MEF2A: variants seen among roughly 807,000 people sequenced by gnomAD.
MEF2A encodes the protein myocyte enhancer factor 2A.
MEF2A carries 28 observed loss-of-function variants against 55.8 expected under a neutral mutation model. That is an observed-to-expected ratio of 0.50 (90% CI 0.37 to 0.69). The LOEUF is 0.69. MEF2A is among the 30% of genes least tolerant of loss of function. MEF2A has a pLI of 0.00. For synonymous variants in MEF2A, 239 were observed against 227.1 expected, an observed-to-expected ratio of 1.05 and a Z score of -0.47; for missense variants, 528 against 626.2, an observed-to-expected ratio of 0.84 and a Z score of 1.67.
chr15:99,713,296 G>A lies in MEF2A; in HGVS notation c.*525G>A, dbSNP rs2058851465. ...ACCTGGCATGGGTGTCTGTTGCAAA[G>A]GGGTGCATGGGAAAGGGCTGTTGAT... On this transcript the variant is annotated 3_prime_UTR_variant, in exon 12 of 12. Transcript: ENST00000557942. 1 of 329,496 alleles carries A rather than the reference G, an allele frequency of 3.0e-6. No individual in the cohort carries two copies. The allele number at this position is 329,496 out of a possible 1,614,324, so 20.4% of individuals were successfully genotyped here.
intron 1 of MEF2A, among the ~76,000 whole-genome samples, 170 bp downstream of exon 1, chr15:99,566,274 T>C (rs1959258053): frequency 8.1e-6 from 1 of 122,932 alleles, no homozygotes; most frequent in Non-Finnish European, 1.7e-5. Context: ...CGAGGCCGTG[T>C]CCGGCTTGGA....
intron 3 of MEF2A, among the ~76,000 whole-genome samples, chr15:99,638,816 A>G (rs572097950): frequency 6.6e-6 from 1 of 152,260 alleles, no homozygotes; most frequent in African/African-American, 2.4e-5. Flanking sequence ...TATACGATGC[A>G]GTCTTTTGAC....
At chr15:99,637,665 C>T (rs961026709) in intron 3 of MEF2A, among the ~76,000 whole-genome samples, 88 of 151,588 alleles carry the variant, frequency 5.8e-4, no homozygotes, top group African/African-American at 1.8e-3. Context: ...CTGTGTAAGA[C>T]GGAGTCTCGC....
chr15:99,593,278 C>T (rs1969986250), intron 1 of MEF2A, among the ~76,000 whole-genome samples: 1 of 152,186 alleles, frequency 6.6e-6, no homozygotes, highest in African/African-American at 2.4e-5. Flanking sequence ...CTTCCCTTTT[C>T]TGCACTGTCG....
intron 1 of MEF2A, among the ~76,000 whole-genome samples, chr15:99,591,136 G>A (rs931194266): frequency 6.6e-6 from 1 of 152,102 alleles, no homozygotes; most frequent in East Asian, 1.9e-4. Flanking sequence ...TCACATTAGG[G>A]CTCACTCTGT....
At chr15:99,707,542 G>C (rs72760565) in intron 10 of MEF2A, among the ~76,000 whole-genome samples, 51 of 152,276 alleles carry the variant, frequency 3.3e-4, no homozygotes, top group Non-Finnish European at 6.3e-4. Context: ...GATCGTAGGA[G>C]TGCTTTTAGC....
rs527645378 is a variant in MEF2A at position 99,593,447 on chromosome 15, C to G, written c.-224-4983C>G. Among the ~76,000 whole-genome samples the G allele has an allele frequency of 3.3e-5, 5 of 152,260 alleles. No homozygotes were observed. In the East Asian group the frequency reaches 9.6e-4, roughly 29 times the overall value. On this transcript the variant is annotated intron_variant, in intron 1 of 11. Transcript: ENST00000557942. ...GGGAGAGCATGTCCGATACCAGTTA[C>G]TACATCATGCCTGGTAGCAAATATC...
chr15:99,711,104 C>T (rs777647905), intron 11 of MEF2A, among the ~76,000 whole-genome samples: 1 of 152,166 alleles, frequency 6.6e-6, no homozygotes, highest in African/African-American at 2.4e-5. Context: ...ATGAAGCTGC[C>T]TACTGCACCC....
At position 99,613,701 on chromosome 15, in the gene MEF2A, C is replaced by G. The variant is rs188208157; in HGVS notation, c.-143+15190C>G. On this transcript the variant is annotated intron_variant, in intron 2 of 11. Transcript: ENST00000557942. Reference sequence around the variant, plus strand: ...AGCAGGAGGGATTGGGAAATGGAGACCTTTGAGGAGGTCAGAACTCTTAAA... The same window carrying G: ...AGCAGGAGGGATTGGGAAATGGAGAGCTTTGAGGAGGTCAGAACTCTTAAA... Among the ~76,000 whole-genome samples, 133 of 152,204 alleles carry G rather than the reference C, an allele frequency of 8.7e-4. 2 individuals are homozygous for G. Among genetic ancestry groups the G allele is most frequent in the Non-Finnish European group, 1.3e-3 (86 of 68,000 alleles).
At chr15:99,663,925 T>C (rs1278487226) in intron 4 of MEF2A, among the ~76,000 whole-genome samples, 1 of 152,216 alleles carries the variant, frequency 6.6e-6, no homozygotes, top group Non-Finnish European at 1.5e-5. Context: ...GTCAGCCAAG[T>C]GGTAACATAT....
intron 7 of MEF2A, among the ~76,000 whole-genome samples, chr15:99,688,618 G>A (rs531442921): frequency 4.6e-5 from 7 of 152,236 alleles, no homozygotes; most frequent in South Asian, 4.1e-4. Context: ...TTAGCCGGGC[G>A]TGGTGGCGGG....
intron 1 of MEF2A, among the ~76,000 whole-genome samples, chr15:99,573,228 G>C (rs1963080635): frequency 6.7e-6 from 1 of 148,714 alleles, no homozygotes; most frequent in Non-Finnish European, 1.5e-5. Context: ...GGCGGAGCCT[G>C]CAGTGAGCCA....
rs187475020 is a variant in MEF2A, at chr15:99,680,779, T to C, written c.670+5321T>C. On this transcript the variant is annotated intron_variant, in intron 7 of 11. Transcript: ENST00000557942. ...TCCAAAGAGATTATAATACTTAAGATGGTGGGACTGTGTTTTTCACTCTTT... is the reference window on the plus strand; with the variant it reads ...TCCAAAGAGATTATAATACTTAAGACGGTGGGACTGTGTTTTTCACTCTTT... Among the ~76,000 whole-genome samples the C allele has an allele frequency of 2.6e-5, 4 of 152,322 alleles. No homozygotes were observed. In the East Asian group the frequency reaches 7.7e-4, roughly 29 times the overall value.
chr15:99,671,546 G>A (rs2050865982), intron 5 of MEF2A, 92 bp downstream of exon 5: 1 of 1,613,356 alleles, frequency 6.2e-7, no homozygotes, highest in East Asian at 2.2e-5. Flanking sequence ...AACACAGAGG[G>A]TGCGACAGCC....
At chr15:99,613,207 T>G (rs1471587600) in intron 2 of MEF2A, among the ~76,000 whole-genome samples, 1 of 152,214 alleles carries the variant, frequency 6.6e-6, no homozygotes, top group African/African-American at 2.4e-5. Context: ...GCTTGGATAT[T>G]AGTCTCAATT....
At chr15:99,642,952 C>T (rs952794400) in intron 3 of MEF2A, among the ~76,000 whole-genome samples, 4 of 152,070 alleles carry the variant, frequency 2.6e-5, no homozygotes, top group African/African-American at 7.2e-5. Context: ...ATGTATGTGT[C>T]CATGTTTTTA....
intron 1 of MEF2A, among the ~76,000 whole-genome samples, chr15:99,589,791 T>C (rs1359962299): frequency 6.6e-6 from 1 of 152,094 alleles, no homozygotes; most frequent in Admixed American, 6.5e-5. Context: ...TGTCCCAAAA[T>C]AGAAATGTCC....
intron 8 of MEF2A, among the ~76,000 whole-genome samples, chr15:99,698,158 T>A (rs539774819): frequency 1.3e-5 from 2 of 152,106 alleles, no homozygotes; most frequent in Admixed American, 1.3e-4. Context: ...AAAAGCAGGA[T>A]CCATAAAGAA....
chr15:99,666,543 C>T (rs2049763777), intron 4 of MEF2A, among the ~76,000 whole-genome samples: 1 of 149,962 alleles, frequency 6.7e-6, no homozygotes, highest in African/African-American at 2.4e-5. Flanking sequence ...TGTAACAAAC[C>T]TGCACGTTCT....
Sources: allele counts gnomAD v4.1 joint callset (sites outside exome capture counted in the v4.1 genomes callset), GRCh38; gene constraint gnomAD v4.1.1; transcripts MANE v1.5; gene names NCBI Gene and HGNC (gene_info 2026-07-23, HGNC 2026-07-21).